The following ZNF283 variants were observed in gnomAD, a reference collection of about 807,000 sequenced individuals.
The protein encoded by ZNF283 is zinc finger protein 41.
ZNF283 carries 10 observed loss-of-function variants against 9.2 expected under a neutral mutation model. That is an observed-to-expected ratio of 1.09 (90% CI 0.67 to 1.85). The LOEUF (loss-of-function observed/expected upper bound fraction) is 1.85. ZNF283 is among the 40% of genes most tolerant of loss of function. ZNF283 has a pLI of 0.00. For missense variants in ZNF283, 631 were observed against 760.1 expected, an observed-to-expected ratio of 0.83 and a Z score of 2.00; for synonymous variants, 234 against 244.1, an observed-to-expected ratio of 0.96 and a Z score of 0.38.
chr19:43,831,270 C>G (rs1970697098), intron 2 of ZNF283, 48 bp from the exon 3 acceptor site: 1 of 1,361,572 alleles, frequency 7.3e-7, no homozygotes, highest in African/African-American at 1.4e-5. Context: ...CATTTATTTT[C>G]TTCCTCAGAC....
At chr19:43,835,466 G>A in intron 4 of ZNF283, 39 bp from the exon 5 acceptor site, 1 of 1,395,668 alleles carries the variant, frequency 7.2e-7, no homozygotes. Context: ...TGGGATCACT[G>A]AGGCACACCT....
chr19:43,840,585 C>T (rs2356433), intron 6 of ZNF283: 61,255 of 151,812 alleles, frequency 0.4, 12,728 homozygotes, highest in South Asian at 0.55. Flanking sequence ...CACTCTTTCA[C>T]CTAAGAATAG....
rs1417497071 is a variant in ZNF283 at position 43,850,082 on chromosome 19, A to C, written c.*1441A>C. 2 of 152,188 alleles carry C rather than the reference A, an allele frequency of 1.3e-5. No individual in the cohort carries two copies. The highest frequency in any genetic ancestry group is 2.9e-5 in the Non-Finnish European group (2 of 68,018). 9.4% of individuals were successfully genotyped at this position (152,188 alleles called of 1,614,324 possible). A position where few individuals can be genotyped will look rare whatever the true frequency, so the allele number is the denominator to read the frequency against. ...CTGAGCTAAAAAAATGAGACTTGAAAAAATCCAGACTTTTGAAGAGTTTAG... is the reference window on the plus strand; with the variant it reads ...CTGAGCTAAAAAAATGAGACTTGAACAAATCCAGACTTTTGAAGAGTTTAG... On this transcript the variant is annotated 3_prime_UTR_variant, in exon 7 of 7. Coordinates refer to ENST00000618787, the MANE Select transcript of ZNF283 (RefSeq NM_181845.2).
In ZNF283 at chr19:43,851,585, G is replaced by C. The variant is rs1444791239; in HGVS notation, c.*2944G>C. ...GAAAAAATTAGCCGGGCGTGGTGGC[G>C]GGCGCCTGTGGTCCCAGCTACTCGG... On this transcript the variant is annotated 3_prime_UTR_variant, in exon 7 of 7. Coordinates refer to ENST00000618787, the MANE Select transcript of ZNF283 (RefSeq NM_181845.2). The C allele has an allele frequency of 6.6e-6, 1 of 152,298 alleles. No homozygotes were observed. Among genetic ancestry groups the C allele is most frequent in the South Asian group, 2.1e-4 (1 of 4,828 alleles). The allele number at this position is 152,298 out of a possible 1,614,324, so 9.4% of individuals were successfully genotyped here. A position where few individuals can be genotyped will look rare whatever the true frequency, so the allele number is the denominator to read the frequency against.
chr19:43,834,788 G>C (rs998595148), intron 4 of ZNF283, among the ~76,000 whole-genome samples: 2 of 151,842 alleles, frequency 1.3e-5, no homozygotes, highest in African/African-American at 4.8e-5. Context: ...TAGAGACGGG[G>C]TTTCACCGTG....
intron 5 of ZNF283, 67 bp from the exon 6 acceptor site, chr19:43,836,986 C>T: frequency 1.9e-6 from 3 of 1,558,676 alleles, no homozygotes; most frequent in Non-Finnish European, 2.6e-6. Context: ...ATCCTTTGTA[C>T]CCTCTTTTTT....
At chr19:43,844,850 A>G (rs1263876136) in intron 6 of ZNF283, among the ~76,000 whole-genome samples, 1 of 152,208 alleles carries the variant, frequency 6.6e-6, no homozygotes, top group Non-Finnish European at 1.5e-5. Context: ...TATAATAAAC[A>G]ACAACTTCAT....
rs1971572940 is a variant in ZNF283, at chr19:43,850,391, G to A, written c.*1750G>A. ...ATTATATACCTAATAGGATTGGTCA[G>A]CCTTGATCAATGATCTTTGGAAATG... is the stretch of plus-strand genomic sequence containing the variant. On this transcript the variant is annotated 3_prime_UTR_variant, in exon 7 of 7. Transcript: ENST00000618787. 6.6e-6 allele frequency: 1 copy of A among 151,832 alleles called. No homozygotes were observed. The highest frequency in any genetic ancestry group is 1.5e-5 in the Non-Finnish European group (1 of 68,004). The allele number at this position is 151,832 out of a possible 1,614,324, so 9.4% of individuals were successfully genotyped here. A position where few individuals can be genotyped will look rare whatever the true frequency, so the allele number is the denominator to read the frequency against.
Position 43,848,652 on chromosome 19 carries a change from TA to T in ZNF283, c.*15del. On this transcript the variant is annotated 3_prime_UTR_variant, in exon 7 of 7. Transcript: ENST00000618787. ...GATGAAACCTTATGATTGAAAGTTG[TA>T]AAAGAATATTTTGTGTGTGTGTATA... The T allele has an allele frequency of 6.5e-6, 10 of 1,529,944 alleles. No homozygotes were observed. Among genetic ancestry groups the T allele is most frequent in the Non-Finnish European group, 8.8e-6 (10 of 1,138,932 alleles). The allele number at this position is 1,529,944 out of a possible 1,614,324, so 94.8% of individuals were successfully genotyped here.
chr19:43,847,666 C>G lies in ZNF283; in HGVS notation c.1065C>G (p.Ala355=). 1 of 1,613,102 alleles carries G rather than the reference C, an allele frequency of 6.2e-7. No individual in the cohort carries two copies. Among genetic ancestry groups the G allele is most frequent in the Non-Finnish European group, 8.5e-7 (1 of 1,179,572 alleles). The part of the protein sequence containing the change: ...KPYKCKECGK[A]FSRGYQLTQH... ...ATAAATGTAAAGAATGTGGGAAGGC[C>G]TTCAGTCGTGGCTATCAGCTTACTC... Residue 355 remains alanine, a synonymous_variant, in exon 7 of 7, where the codon GCC becomes GCG. Coordinates refer to ENST00000618787, the MANE Select transcript of ZNF283 (RefSeq NM_181845.2).
chr19:43,846,492 A>C (rs1373408641), intron 6 of ZNF283, among the ~76,000 whole-genome samples: 1 of 152,188 alleles, frequency 6.6e-6, no homozygotes, highest in Non-Finnish European at 1.5e-5. Context: ...ATATGTTTAC[A>C]TATTGCCCAT....
In ZNF283 at chr19:43,847,109, C is replaced by T; in HGVS notation, c.508C>T (p.His170Tyr). The T allele has an allele frequency of 1.2e-6, 2 of 1,613,334 alleles. No individual in the cohort carries two copies. Among genetic ancestry groups the T allele is most frequent in the East Asian group, 2.2e-5 (1 of 44,852 alleles). The change falls in exon 7 of 7, where the codon CAT becomes TAT. Residue 170 changes from histidine (H) to tyrosine (Y), a missense_variant. By Grantham distance (83) the His-to-Tyr change is moderately conservative. Around this residue, in one of 3 missense-constraint regions of ZNF283, gnomAD observed 184 missense variants for 220.0 expected, o/e 0.84. Transcript: ENST00000618787. ...CKSIFEGLKGHQEGYFSQMII... is the reference protein window; with the variant it reads ...CKSIFEGLKGYQEGYFSQMII... ...AAGCATATTCGAGGGACTAAAAGGACATCAAGAGGGATACTTCAGTCAAAT... is the reference window on the plus strand; with the variant it reads ...AAGCATATTCGAGGGACTAAAAGGATATCAAGAGGGATACTTCAGTCAAAT...
rs1345192260 is a variant in ZNF283, at chr19:43,851,660, T to C, written c.*3019T>C. The stretch of plus-strand genomic sequence containing the variant: ...TGAACCCGGGAGGCAGAGCTTGCAG[T>C]GAGCCGAGATTGCGCCACTGCACTC... On this transcript the variant is annotated 3_prime_UTR_variant, in exon 7 of 7. Transcript: ENST00000618787. 4 of 152,162 alleles carry C rather than the reference T, an allele frequency of 2.6e-5. No homozygotes were observed. The highest frequency in any genetic ancestry group is 9.7e-5 in the African/African-American group (4 of 41,422). 9.4% of individuals were successfully genotyped at this position (152,162 alleles called of 1,614,324 possible).
At chr19:43,841,354 C>T (rs1052358459) in intron 6 of ZNF283, 24 of 151,776 alleles carry the variant, frequency 1.6e-4, no homozygotes, top group African/African-American at 5.8e-4. Context: ...AAGAATTTTA[C>T]TAATCTGTAA....
chr19:43,846,044 T>C (rs1214237486), intron 6 of ZNF283, among the ~76,000 whole-genome samples: 2 of 152,132 alleles, frequency 1.3e-5, no homozygotes, highest in Admixed American at 6.5e-5. Context: ...ACTCAAAATA[T>C]TTGTTCTTCC....
chr19:43,830,507 G>A (rs1424386285), intron 2 of ZNF283, among the ~76,000 whole-genome samples: 2 of 152,112 alleles, frequency 1.3e-5, no homozygotes, highest in South Asian at 2.1e-4. Context: ...TGGGCAAAGT[G>A]TCTATAATTT....
intron 6 of ZNF283, among the ~76,000 whole-genome samples, chr19:43,846,404 A>G (rs990442460): frequency 6.6e-6 from 1 of 152,176 alleles, no homozygotes; most frequent in Non-Finnish European, 1.5e-5. Context: ...AGGGGTTGGA[A>G]AACTCTGGCT....
chr19:43,830,134 G>C (rs1192072366), intron 2 of ZNF283, among the ~76,000 whole-genome samples: 1 of 152,166 alleles, frequency 6.6e-6, no homozygotes, highest in Non-Finnish European at 1.5e-5. Context: ...GAGTGCAGTG[G>C]CATGATCATG....
Position 43,847,342 on chromosome 19 carries a change from C to G in ZNF283, c.741C>G (p.Ala247=), listed in dbSNP as rs1971441454. 1 of 1,613,876 alleles carries G rather than the reference C, an allele frequency of 6.2e-7. No individual in the cohort carries two copies. Among genetic ancestry groups the G allele is most frequent in the Non-Finnish European group, 8.5e-7 (1 of 1,179,942 alleles). Reference sequence around the variant, plus strand: ...AATGTGGGAAGAATTATTTAAGTGCCTATCAACTCAATGTGCATCAGAGAT... The same window carrying G: ...AATGTGGGAAGAATTATTTAAGTGCGTATCAACTCAATGTGCATCAGAGAT... ...CKECGKNYLS[A]YQLNVHQRFH... The change falls in exon 7 of 7, where the codon GCC becomes GCG. Residue 247 remains alanine (A), a synonymous_variant. Coordinates refer to ENST00000618787, the MANE Select transcript of ZNF283 (RefSeq NM_181845.2).
Sources: allele counts gnomAD v4.1 joint callset (sites outside exome capture counted in the v4.1 genomes callset), GRCh38; gene constraint gnomAD v4.1.1; regional missense constraint gnomAD v4.1.1; transcripts MANE v1.5; gene names NCBI Gene and HGNC (gene_info 2026-07-23, HGNC 2026-07-21).